The following CELF2 variants were observed in gnomAD, a reference collection of about 807,000 sequenced individuals.
CELF2 encodes CUGBP Elav-like family member 2, also known as CUG triplet repeat RNA-binding protein 2.
CELF2 carries 8 observed loss-of-function variants against 62.6 expected under a neutral mutation model. The observed-to-expected ratio is 0.13, with a 90% CI of 0.07 to 0.23. The LOEUF (loss-of-function observed/expected upper bound fraction) is 0.23. Ranked by LOEUF, CELF2 falls within the 10% of genes least tolerant of loss-of-function variation. CELF2 has a pLI of 1.00. For missense variants in CELF2, 333 were observed against 671.0 expected (o/e 0.50, Z 5.56); for synonymous variants, 258 against 250.0 (o/e 1.03, Z -0.30).
chr10:10,853,863 C>T (rs112471266), intron 1 of CELF2, among the ~76,000 whole-genome samples: 2,350 of 151,744 alleles, frequency 0.015, 74 homozygotes, highest in African/African-American at 0.054. Context: ...GGCCAGGTGA[C>T]GATGAATGTC....
At chr10:10,698,080 A>T in the CELF2 span, among the ~76,000 whole-genome samples, 8 of 152,206 alleles carry the variant, frequency 5.3e-5, no homozygotes, top group South Asian at 2.1e-4. Flanking sequence ...TAACATATCA[A>T]TTGGGGGGTG....
chr10:10,796,144 C>T (rs892586890), upstream of CELF2, among the ~76,000 whole-genome samples: 3 of 152,206 alleles, frequency 2.0e-5, no homozygotes, highest in Non-Finnish European at 4.4e-5. Flanking sequence ...GCCAGGTCCA[C>T]AGGCATCGCT....
intron 1 of CELF2, among the ~76,000 whole-genome samples, chr10:11,019,475 A>G (rs1415240548): frequency 6.6e-6 from 1 of 152,086 alleles, no homozygotes; most frequent in Non-Finnish European, 1.5e-5. Context: ...TTTCCCTGGC[A>G]ACTAACTTTC....
the CELF2 span, among the ~76,000 whole-genome samples, chr10:10,740,346 C>T: frequency 6.6e-6 from 1 of 152,010 alleles, no homozygotes; most frequent in Non-Finnish European, 1.5e-5. Context: ...ATGTGGCTAT[C>T]CAGTTTTCCC....
chr10:11,207,307 CG>C lies in CELF2; in HGVS notation c.272-10114del, dbSNP rs1362595862. The stretch of plus-strand genomic sequence containing the variant: ...AAAACAGGGAGCTTGCTAGTCTTCA[CG>C]GGGTCATGGAAATAACAGAAGATGG... On this transcript the variant is annotated intron_variant, in intron 2 of 12. Coordinates refer to ENST00000633077, the MANE Select transcript of CELF2 (RefSeq NM_001326342.2). The surrounding 1 kb of genome is among the most constrained non-coding windows in gnomAD (Gnocchi z 4.1). 1.3e-5 allele frequency among the ~76,000 whole-genome samples: 2 copies of C among 152,114 alleles called. No individual in the cohort carries two copies. Among genetic ancestry groups the C allele is most frequent in the African/African-American group, 4.8e-5 (2 of 41,406 alleles).
chr10:10,590,583 C>T, the CELF2 span, among the ~76,000 whole-genome samples: 26 of 152,316 alleles, frequency 1.7e-4, no homozygotes, highest in Middle Eastern at 0.014. Context: ...CCACCAGCCA[C>T]GAAGGTACCC....
chr10:11,026,942 G>A (rs551240778), intron 1 of CELF2, among the ~76,000 whole-genome samples: 1 of 152,282 alleles, frequency 6.6e-6, no homozygotes, highest in African/African-American at 2.4e-5. Flanking sequence ...CATAAGGGTG[G>A]CGTGTTTCGG....
Position 11,288,408 on chromosome 10 carries a change from C to T in CELF2, c.842-10C>T, listed in dbSNP as rs1358207919. 2.5e-5 allele frequency: 41 copies of T among 1,613,288 alleles called. No individual in the cohort carries two copies. The highest frequency in any genetic ancestry group is 3.3e-5 in the Non-Finnish European group (39 of 1,179,762). ...CTGTTGCTGAAAGTAACTTTCTCTT[C>T]CCTCCACAGGCATGAATGCTTTACA... On this transcript the variant is annotated splice_polypyrimidine_tract_variant and intron_variant, in intron 8 of 12. Coordinates refer to ENST00000633077, the MANE Select transcript of CELF2 (RefSeq NM_001326342.2).
the CELF2 span, among the ~76,000 whole-genome samples, chr10:10,519,559 C>T: frequency 6.6e-6 from 1 of 152,108 alleles, no homozygotes; most frequent in African/African-American, 2.4e-5. Flanking sequence ...CTGTGAAAGC[C>T]AAATGCTGAA....
chr10:10,799,502 G>A (rs1189506725), intron 1 of CELF2, among the ~76,000 whole-genome samples: 1 of 151,984 alleles, frequency 6.6e-6, no homozygotes, highest in Non-Finnish European at 1.5e-5. Flanking sequence ...TAAAAAAAGA[G>A]TAAAGAAAGG....
intron 1 of CELF2, among the ~76,000 whole-genome samples, chr10:11,141,145 C>T (rs531124570): frequency 2.8e-4 from 43 of 152,318 alleles, no homozygotes; most frequent in Admixed American, 1.6e-3. Flanking sequence ...ATGCTTGACT[C>T]CTTTGTGGGG....
chr10:11,010,249 G>A lies in CELF2; in HGVS notation c.53+4809G>A, dbSNP rs948753923. On this transcript the variant is annotated intron_variant, in intron 1 of 12. Transcript: ENST00000416382. This position sits in a 1 kb window ranked among gnomAD's most constrained non-coding sequence, Gnocchi z 4.1. ...TTATGAAAAACGATTTGATAAAAAC[G>A]AATGGAGACCCCATTCCAAGCCTCA... 3 of 152,154 alleles carry A rather than the reference G, an allele frequency of 2.0e-5. No homozygotes were observed. Among genetic ancestry groups the A allele is most frequent in the African/African-American group, 7.2e-5 (3 of 41,440 alleles). The allele number at this position is 152,154 out of a possible 1,614,324, so 9.4% of individuals were successfully genotyped here.
At chr10:10,760,616 G>A in the CELF2 span, among the ~76,000 whole-genome samples, 1 of 152,174 alleles carries the variant, frequency 6.6e-6, no homozygotes, top group African/African-American at 2.4e-5. Flanking sequence ...GGAGGAAGGA[G>A]ATCAGCCTGC....
intron 2 of CELF2, among the ~76,000 whole-genome samples, chr10:10,977,383 G>C (rs983929161): frequency 2.0e-5 from 3 of 152,102 alleles, no homozygotes; most frequent in Non-Finnish European, 4.4e-5. Flanking sequence ...TTAGTCTTTG[G>C]GGGATATTGT....
chr10:10,637,722 C>A, the CELF2 span, among the ~76,000 whole-genome samples: 1 of 152,146 alleles, frequency 6.6e-6, no homozygotes, highest in East Asian at 1.9e-4. Flanking sequence ...GACACGGAGT[C>A]GCAGATGATT....
chr10:11,054,481 A>T (rs75142402), intron 1 of CELF2, among the ~76,000 whole-genome samples: 2 of 88,768 alleles, frequency 2.3e-5, no homozygotes, highest in South Asian at 7.9e-4. Flanking sequence ...ACAACTGTGT[A>T]TGTGTGTTTG....
At chr10:10,863,391 A>C (rs1365099353) in intron 1 of CELF2, among the ~76,000 whole-genome samples, 5 of 152,156 alleles carry the variant, frequency 3.3e-5, no homozygotes, top group African/African-American at 7.2e-5. Flanking sequence ...AAGTGCTTTT[A>C]CATTTGTTAT....
chr10:11,267,573 GT>G lies in CELF2; in HGVS notation c.618+900del, dbSNP rs1345071311. ...GCCTTGTGGTGTTATCTGAAGCTGT[GT>G]TTTCATATTTTGAAAAAAGATATTT... On this transcript the variant is annotated intron_variant, in intron 6 of 12. Transcript: ENST00000633077. This position sits in a 1 kb window ranked among gnomAD's most constrained non-coding sequence, Gnocchi z 4.4. Among the ~76,000 whole-genome samples the G allele has an allele frequency of 6.6e-6, 1 of 152,116 alleles. No individual in the cohort carries two copies. Among genetic ancestry groups the G allele is most frequent in the Non-Finnish European group, 1.5e-5 (1 of 68,012 alleles).
chr10:11,049,260 CTAAGT>C (rs2139947666), intron 1 of CELF2, among the ~76,000 whole-genome samples: 2 of 149,994 alleles, frequency 1.3e-5, no homozygotes, highest in African/African-American at 4.9e-5. Context: ...TTACAACTTC[CTAAGT>C]TAAGCCTCAA....
Sources: allele counts gnomAD v4.1 joint callset (sites outside exome capture counted in the v4.1 genomes callset), GRCh38; gene constraint gnomAD v4.1.1; non-coding constraint Gnocchi (gnomAD v3.1); transcripts MANE v1.5; gene names NCBI Gene and HGNC (gene_info 2026-07-23, HGNC 2026-07-21).